EDA: variants seen among roughly 807,000 people sequenced by gnomAD.
EDA encodes ectodysplasin-A.
EDA carries 2 observed loss-of-function variants against 23.6 expected under a neutral mutation model. That is an observed-to-expected ratio of 0.08 (90% CI 0.03 to 0.27). EDA has a LOEUF of 0.27. Ranked by LOEUF, EDA falls within the 10% of genes least tolerant of loss-of-function variation. The pLI, the probability that EDA is intolerant of heterozygous loss-of-function variation, is 1.00. For missense variants in EDA, 229 were observed against 324.2 expected (o/e 0.71, Z 2.26); for synonymous variants, 131 against 132.0 (o/e 0.99, Z 0.05).
intron 1 of EDA, among the ~76,000 whole-genome samples, chrX:69,827,751 G>A (rs1011819551): frequency 8.9e-6 from 1 of 112,071 alleles, no homozygotes; most frequent in Non-Finnish European, 1.9e-5. Flanking sequence ...GAGGAACTGT[G>A]TTCCTTTGGA....
At chrX:69,776,055 ATATAATGTATTAATTTCT>A (rs2014772089) in intron 1 of EDA, among the ~76,000 whole-genome samples, 1 of 112,017 alleles carries the variant, frequency 8.9e-6, no homozygotes, top group Non-Finnish European at 1.9e-5. Context: ...ATAAATTGTA[ATATAATGTATTAATTTCT>A]TATAATGTAT....
chrX:69,862,698 C>T lies in EDA; in HGVS notation c.397-94329C>T, dbSNP rs779021953. Among the ~76,000 whole-genome samples the T allele has an allele frequency of 2.0e-4, 22 of 111,500 alleles. No individual in the cohort carries two copies. The Admixed American group carries it at 2.0e-3, about 10-fold the overall frequency. ...GGCCTGAGCAAACCCCTCTCCTCGG[C>T]CTCCCACAGTCCTGTGATTACAGGT... On this transcript the variant is annotated intron_variant, in intron 1 of 7. Coordinates refer to ENST00000374552, the MANE Select transcript of EDA (RefSeq NM_001399.5).
intron 1 of EDA, among the ~76,000 whole-genome samples, chrX:69,671,423 G>A (rs1019635278): frequency 9.0e-6 from 1 of 111,298 alleles, no homozygotes; most frequent in Non-Finnish European, 1.9e-5. Flanking sequence ...CAGCTGTGAA[G>A]GTGATTTCCT....
chrX:69,915,856 C>T (rs761429552), intron 1 of EDA, among the ~76,000 whole-genome samples: 12 of 111,220 alleles, frequency 1.1e-4, no homozygotes, highest in Non-Finnish European at 2.1e-4. Flanking sequence ...CTGTCTGGGG[C>T]GGGAGAGGGC....
intron 2 of EDA, among the ~76,000 whole-genome samples, chrX:70,016,698 C>A (rs777024250): frequency 4.5e-5 from 5 of 111,516 alleles, no homozygotes; most frequent in Non-Finnish European, 7.5e-5. Context: ...ATACAACTTA[C>A]CAGAATCTCT....
intron 1 of EDA, among the ~76,000 whole-genome samples, chrX:69,745,872 C>G (rs752110539): frequency 2.7e-5 from 3 of 111,226 alleles, no homozygotes; most frequent in Non-Finnish European, 5.7e-5. Context: ...CCTGTAATCC[C>G]AGCTACTCAA....
intron 1 of EDA, among the ~76,000 whole-genome samples, chrX:69,640,739 T>C (rs930236177): frequency 1.8e-5 from 2 of 111,204 alleles, no homozygotes; most frequent in African/African-American, 6.5e-5. Context: ...GGCAGCTCTT[T>C]AGGTCTGAAA....
intron 1 of EDA, among the ~76,000 whole-genome samples, chrX:69,665,877 T>C (rs770542345): frequency 9.0e-6 from 1 of 111,687 alleles, no homozygotes; most frequent in South Asian, 3.7e-4. Flanking sequence ...TGATTGGGAT[T>C]GCACTGAATC....
chrX:69,843,703 C>CAT (rs1244731174), intron 1 of EDA, among the ~76,000 whole-genome samples: 1 of 110,822 alleles, frequency 9.0e-6, no homozygotes, highest in East Asian at 2.8e-4. Flanking sequence ...TATAAAAAGC[C>CAT]ATATATATGG....
intron 1 of EDA, among the ~76,000 whole-genome samples, chrX:69,638,611 C>G (rs1932804161): frequency 9.0e-6 from 1 of 111,559 alleles, no homozygotes; most frequent in Non-Finnish European, 1.9e-5. Flanking sequence ...TGGCTTCACC[C>G]CAATTCTACA....
At chrX:69,775,694 G>A (rs2014760619) in intron 1 of EDA, among the ~76,000 whole-genome samples, 1 of 111,576 alleles carries the variant, frequency 9.0e-6, no homozygotes, top group Admixed American at 9.6e-5. Flanking sequence ...ATCATTTGTT[G>A]TAAAGTTATA....
In EDA at chrX:69,904,305, C is replaced by A. The variant is rs1034889359; in HGVS notation, c.397-52722C>A. 2.7e-5 allele frequency among the ~76,000 whole-genome samples: 3 copies of A among 111,381 alleles called. No homozygotes were observed. In the South Asian group the frequency reaches 1.1e-3, roughly 42 times the overall value. On this transcript the variant is annotated intron_variant, in intron 1 of 7. Coordinates refer to ENST00000374552, the MANE Select transcript of EDA (RefSeq NM_001399.5). ...TACTACCAAACACTAGATATTATTC[C>A]TTTTATTCAACTGTATTTTTGTACC...
At chrX:69,754,628 G>T (rs1320706961) in intron 1 of EDA, among the ~76,000 whole-genome samples, 1 of 111,866 alleles carries the variant, frequency 8.9e-6, no homozygotes, top group East Asian at 2.8e-4. Flanking sequence ...GGTTAGGGAA[G>T]TTCTCCTGGA....
chrX:69,862,847 G>A (rs1434490889), intron 1 of EDA, among the ~76,000 whole-genome samples: 3 of 110,472 alleles, frequency 2.7e-5, no homozygotes, highest in African/African-American at 9.9e-5. Context: ...GAGCCAATTG[G>A]CCCTGTATAA....
At chrX:70,029,341 A>G (rs1270530885) in intron 4 of EDA, among the ~76,000 whole-genome samples, 163 bp from the exon 5 acceptor site, 4 of 112,590 alleles carry the variant, frequency 3.6e-5, no homozygotes, top group Non-Finnish European at 7.5e-5. Context: ...GGCAGGAAAC[A>G]GAAGGGGTGC....
chrX:69,785,783 G>T (rs1224452834), intron 1 of EDA, among the ~76,000 whole-genome samples: 1 of 106,006 alleles, frequency 9.4e-6, no homozygotes, highest in Non-Finnish European at 2.0e-5. Flanking sequence ...GCCCGGCTTT[G>T]GTATCAGGAT....
chrX:69,949,933 A>G (rs1339006539), intron 1 of EDA, among the ~76,000 whole-genome samples: 3 of 109,649 alleles, frequency 2.7e-5, no homozygotes, highest in Non-Finnish European at 3.8e-5. Context: ...TTATACAAAA[A>G]TCAATTCAAG....
intron 1 of EDA, among the ~76,000 whole-genome samples, chrX:69,764,506 G>A (rs1219199504): frequency 9.1e-6 from 1 of 109,526 alleles, no homozygotes; most frequent in Non-Finnish European, 1.9e-5. Context: ...CCCTCCCAAA[G>A]TGCTGGGATT....
At chrX:69,836,198 C>A (rs1053300593) in intron 1 of EDA, among the ~76,000 whole-genome samples, 7 of 112,674 alleles carry the variant, frequency 6.2e-5, no homozygotes, top group African/African-American at 9.6e-5. Flanking sequence ...GTCAGGGACC[C>A]ACTTGAGGAG....
Sources: gnomAD v4.1 joint callset for allele counts (sites outside exome capture counted in the v4.1 genomes callset) on GRCh38, gnomAD v4.1.1 for gene constraint, MANE v1.5 for transcripts, NCBI Gene and HGNC (gene_info 2026-07-23, HGNC 2026-07-21) for gene names.